Variants in ATF2 observed in about 807,000 individuals in gnomAD.
The protein encoded by ATF2 is cyclic AMP-dependent transcription factor ATF-2.
Under a neutral mutation model 60.6 loss-of-function variants are expected in ATF2, and 24 were observed. The ratio of observed to expected loss-of-function variants is 0.40; its 90% CI spans 0.29 to 0.56. The LOEUF (loss-of-function observed/expected upper bound fraction) is 0.56. Among genes scored for constraint, ATF2 ranks in the 20% least tolerant of loss-of-function variants. The probability of loss-of-function intolerance (pLI) is 0.54; values close to 1 mark genes in which losing one functional copy is unlikely to be tolerated. For synonymous variants in ATF2, 206 were observed against 215.4 expected, an observed-to-expected ratio of 0.96 and a Z score of 0.38; for missense variants, 433 against 607.7, an observed-to-expected ratio of 0.71 and a Z score of 3.02.
At chr2:175,077,776 C>T (rs1190873221) in intron 13 of ATF2, among the ~76,000 whole-genome samples, 2 of 152,052 alleles carry the variant, frequency 1.3e-5, no homozygotes, top group Admixed American at 6.6e-5. Context: ...CATCAAATAC[C>T]TTTACAATGT....
intron 4 of ATF2, among the ~76,000 whole-genome samples, chr2:175,125,001 T>C (rs1039513207): frequency 7.2e-5 from 11 of 152,040 alleles, no homozygotes; most frequent in Admixed American, 6.6e-5. Flanking sequence ...AAGTCTAGTA[T>C]TAAAAACTCT....
chr2:175,080,613 A>G (rs752511933), intron 13 of ATF2, 47 bp downstream of exon 13: 2 of 1,445,256 alleles, frequency 1.4e-6, no homozygotes, highest in Non-Finnish European at 1.9e-6. Flanking sequence ...CTCTGACGGT[A>G]TTTCACTGAC....
chr2:175,149,869 C>T (rs747929379), intron 2 of ATF2, among the ~76,000 whole-genome samples: 12 of 152,094 alleles, frequency 7.9e-5, no homozygotes, highest in Non-Finnish European at 1.5e-4. Flanking sequence ...CACTAACTTC[C>T]GAGCTTCTTC....
At chr2:175,098,190 T>C (rs1695069139) in intron 10 of ATF2, among the ~76,000 whole-genome samples, 1 of 152,360 alleles carries the variant, frequency 6.6e-6, no homozygotes, top group Non-Finnish European at 1.5e-5. Context: ...AATGATTTGC[T>C]ACATAGGTAC....
intron 10 of ATF2, among the ~76,000 whole-genome samples, chr2:175,098,923 T>C (rs111672283): frequency 6.6e-6 from 1 of 152,172 alleles, no homozygotes; most frequent in African/African-American, 2.4e-5. Context: ...GAATTTCAAC[T>C]GAGGCAGTAA....
Position 175,073,278 on chromosome 2 carries a change from T to C in ATF2, c.*1331A>G, listed in dbSNP as rs180741577. ...AGAAAACTAAGTATCCCACAGATGA[T>C]TGGATAATGAGAAAAATGTACCTAC... is the stretch of plus-strand genomic sequence containing the variant. On this transcript the variant is annotated 3_prime_UTR_variant, in exon 14 of 14. Transcript: ENST00000264110. The C allele has an allele frequency of 5.9e-5, 9 of 152,268 alleles. No individual in the cohort carries two copies. The highest frequency in any genetic ancestry group is 2.1e-4 in the South Asian group (1 of 4,830). 9.4% of individuals were successfully genotyped at this position (152,268 alleles called of 1,614,324 possible). A position where few individuals can be genotyped will look rare whatever the true frequency, so the allele number is the denominator to read the frequency against.
intron 2 of ATF2, among the ~76,000 whole-genome samples, chr2:175,145,009 G>A (rs975206464): frequency 6.6e-6 from 1 of 152,226 alleles, no homozygotes; most frequent in Admixed American, 6.5e-5. Context: ...CAGTTGAAGG[G>A]AATTATAAAT....
chr2:175,129,989 T>C, intron 4 of ATF2, 149 bp downstream of exon 4: 1 of 551,602 alleles, frequency 1.8e-6, no homozygotes, highest in Non-Finnish European at 3.0e-6. Context: ...GCAGAATTTC[T>C]TGCCAAAAGT....
chr2:175,114,239 T>C (rs985144212), intron 8 of ATF2, 131 bp from the exon 9 acceptor site: 29 of 1,406,458 alleles, frequency 2.1e-5, no homozygotes, highest in East Asian at 2.7e-5. Flanking sequence ...GCAAAGCAAA[T>C]AGCAAAATTT....
intron 1 of ATF2, among the ~76,000 whole-genome samples, chr2:175,156,236 T>A (rs1699668723): frequency 6.6e-6 from 1 of 151,820 alleles, no homozygotes; most frequent in Non-Finnish European, 1.5e-5. Context: ...CCAGGCGTGG[T>A]GGCGGGTGCC....
intron 1 of ATF2, among the ~76,000 whole-genome samples, chr2:175,154,036 A>G (rs889604387): frequency 1.7e-4 from 26 of 151,484 alleles, no homozygotes; most frequent in African/African-American, 5.6e-4. Flanking sequence ...CGTGACCAAC[A>G]TGGACCTCAT....
intron 2 of ATF2, among the ~76,000 whole-genome samples, chr2:175,143,642 C>A (rs1317012310): frequency 3.3e-5 from 5 of 152,182 alleles, no homozygotes; most frequent in African/African-American, 1.2e-4. Context: ...TTAATACCAA[C>A]ACAAACAGTG....
At chr2:175,162,213 C>T (rs1237288638) in intron 1 of ATF2, among the ~76,000 whole-genome samples, 2 of 152,206 alleles carry the variant, frequency 1.3e-5, no homozygotes, top group African/African-American at 4.8e-5. Context: ...ATATGAAATA[C>T]ACAATATTTG....
At chr2:175,157,142 CATT>C (rs1699738473) in intron 1 of ATF2, among the ~76,000 whole-genome samples, 1 of 152,184 alleles carries the variant, frequency 6.6e-6, no homozygotes, top group South Asian at 2.1e-4. Context: ...AAAATGCAGA[CATT>C]ATGCAATATT....
intron 12 of ATF2, among the ~76,000 whole-genome samples, chr2:175,085,438 G>C (rs1415782493): frequency 6.6e-6 from 1 of 152,064 alleles, no homozygotes; most frequent in Non-Finnish European, 1.5e-5. Flanking sequence ...GGAAGGCTGA[G>C]GCAGGAGAAC....
intron 1 of ATF2, chr2:175,167,846 G>A (rs554029185): frequency 2.1e-4 from 86 of 411,540 alleles, no homozygotes; most frequent in African/African-American, 1.7e-3. Context: ...AGCCAGTCAG[G>A]TTCCCAAAGC....
chr2:175,163,991 T>C (rs1700192682), intron 1 of ATF2, among the ~76,000 whole-genome samples: 1 of 139,296 alleles, frequency 7.2e-6, no homozygotes, highest in Non-Finnish European at 1.5e-5. Context: ...ATTGAAAAGA[T>C]ATATATAATG....
intron 10 of ATF2, among the ~76,000 whole-genome samples, chr2:175,106,829 C>CT (rs1427261145): frequency 1.3e-5 from 2 of 152,126 alleles, no homozygotes; most frequent in Non-Finnish European, 2.9e-5. Context: ...GAGCAAGACT[C>CT]TGTCTCAAAA....
At chr2:175,094,553 G>T (rs1399349060) in intron 11 of ATF2, among the ~76,000 whole-genome samples, 1 of 151,818 alleles carries the variant, frequency 6.6e-6, no homozygotes, top group Non-Finnish European at 1.5e-5. Flanking sequence ...ATTTAAAAAT[G>T]GTATGCACAA....
Sources: allele counts gnomAD v4.1 joint callset (sites outside exome capture counted in the v4.1 genomes callset), GRCh38; gene constraint gnomAD v4.1.1; transcripts MANE v1.5; gene names NCBI Gene and HGNC (gene_info 2026-07-23, HGNC 2026-07-21).